Variants in MOV10L1 observed in about 807,000 individuals in gnomAD.
MOV10L1 encodes Mov10 like RNA helicase 1, also known as RNA helicase Mov10l1.
Under a neutral mutation model 143.8 loss-of-function variants are expected in MOV10L1, and 110 were observed. The ratio of observed to expected loss-of-function variants is 0.76; its 90% CI spans 0.66 to 0.90. The LOEUF is 0.90. Among genes scored for constraint, MOV10L1 ranks in the 40% least tolerant of loss-of-function variants. MOV10L1 has a pLI of 0.00. For missense variants in MOV10L1, 1,406 were observed against 1,526.8 expected (o/e 0.92, Z 1.32); for synonymous variants, 593 against 581.1 (o/e 1.02, Z -0.29).
At chr22:50,134,139 A>G in intron 14 of MOV10L1, 74 bp downstream of exon 14, 1 of 1,200,270 alleles carries the variant, frequency 8.3e-7, no homozygotes, top group Non-Finnish European at 1.2e-6. Flanking sequence ...AATTTTGTGT[A>G]AAATAGTCTC....
intron 17 of MOV10L1, 35 bp downstream of exon 17, chr22:50,143,256 G>C (rs2063041368): frequency 6.2e-7 from 1 of 1,603,338 alleles, no homozygotes; most frequent in African/African-American, 1.3e-5. Context: ...CTGTGGCTCT[G>C]TGCTGCTGTT....
At chr22:50,121,263 T>C (rs537338756) in intron 10 of MOV10L1, among the ~76,000 whole-genome samples, 3 of 152,192 alleles carry the variant, frequency 2.0e-5, no homozygotes, top group African/African-American at 7.2e-5. Context: ...GGGACCTAGG[T>C]GTTCACCATG....
chr22:50,103,781 C>T (rs2061803951), intron 3 of MOV10L1, among the ~76,000 whole-genome samples: 1 of 152,144 alleles, frequency 6.6e-6, no homozygotes, highest in South Asian at 2.1e-4. Flanking sequence ...TCAAGTTATA[C>T]CAGTTTGTGC....
chr22:50,117,109 C>T (rs370722862), intron 8 of MOV10L1, 48 bp from the exon 9 acceptor site: 14 of 1,544,704 alleles, frequency 9.1e-6, no homozygotes, highest in Non-Finnish European at 1.2e-5. Flanking sequence ...GTGTTGACTG[C>T]CTATCTTATT....
In MOV10L1 at chr22:50,090,164, C is replaced by G. The variant is rs552916481; in HGVS notation, c.76C>G (p.Leu26Val). 2.1e-6 allele frequency: 3 copies of G among 1,421,922 alleles called. No individual in the cohort carries two copies. In the African/African-American group the frequency reaches 4.5e-5, roughly 21 times the overall value. 88.1% of individuals were successfully genotyped at this position (1,421,922 alleles called of 1,614,324 possible). A position where few individuals can be genotyped will look rare whatever the true frequency, so the allele number is the denominator to read the frequency against. The change falls in exon 1 of 27, where the codon CTG becomes GTG. Residue 26 changes from leucine (L) to valine (V), a missense_variant. Physicochemically the swap from Leu to Val is conservative, Grantham distance 32. This residue lies in a region of MOV10L1 where 166 missense variants were observed against 153.9 expected (regional missense o/e 1.08). Transcript: ENST00000262794. ...CACCCCTAGGGAGGAAGCCGGGCAG[C>G]TGGAGCCCGAGCTCGCGGAAGGTGG... ...ADTPREEAGQ[L>V]EPELAEGDTK...
At chr22:50,157,393 C>G (rs1052301984) in intron 22 of MOV10L1, among the ~76,000 whole-genome samples, 3 of 152,142 alleles carry the variant, frequency 2.0e-5, no homozygotes, top group African/African-American at 7.2e-5. Flanking sequence ...GTGTCGTATC[C>G]AAGAAGTCAT....
At chr22:50,149,828 C>A in intron 20 of MOV10L1, 114 bp downstream of exon 20, 1 of 898,598 alleles carries the variant, frequency 1.1e-6, no homozygotes, top group Non-Finnish European at 1.7e-6. Context: ...GGTGGAAGTG[C>A]CAAGGACCCC....
chr22:50,127,400 A>G (rs1302150904), intron 12 of MOV10L1, among the ~76,000 whole-genome samples: 1 of 152,190 alleles, frequency 6.6e-6, no homozygotes, highest in Non-Finnish European at 1.5e-5. Flanking sequence ...TGCCACCTGC[A>G]CCTGTTCTCA....
chr22:50,153,217 G>A lies in MOV10L1; in HGVS notation c.3065G>A (p.Arg1022Gln), dbSNP rs781058862. ...TTCCCTCTCATCTTCCATGGTGTGC[G>A]GGTGAGTTGTGTCTTGAATCCGTAG... The part of the protein sequence containing the change: ...KGFPLIFHGV[R>Q]GSEAREGKSP... Residue 1022 changes from arginine to glutamine, a missense_variant and splice_region_variant, in exon 22 of 27, where the codon CGG becomes CAG. Physicochemically the swap from Arg to Gln is conservative, Grantham distance 43 (BLOSUM62 1). This residue lies in a region of MOV10L1 where 1,233 missense variants were observed against 1,351.4 expected (regional missense o/e 0.91). Transcript: ENST00000262794. 21 of 1,612,820 alleles carry A rather than the reference G, an allele frequency of 1.3e-5. No homozygotes were observed. The highest frequency in any genetic ancestry group is 1.7e-4 in the Middle Eastern group (1 of 6,054).
At chr22:50,141,701 G>A (rs1046119471) in intron 15 of MOV10L1, among the ~76,000 whole-genome samples, 4 of 152,056 alleles carry the variant, frequency 2.6e-5, no homozygotes, top group East Asian at 1.9e-4. Flanking sequence ...CTCCAGGCCC[G>A]TGAGACCCAG....
intron 16 of MOV10L1, 110 bp from the exon 17 acceptor site, chr22:50,142,933 C>A (rs2063032805): frequency 2.1e-6 from 2 of 962,802 alleles, no homozygotes; most frequent in Admixed American, 4.5e-5. Context: ...GTCTGTGACT[C>A]TGATTTAGCC....
chr22:50,145,659 T>G, intron 18 of MOV10L1, 30 bp from the exon 19 acceptor site: 2 of 1,610,396 alleles, frequency 1.2e-6, no homozygotes, highest in Non-Finnish European at 1.7e-6. Context: ...ATTGGAGGAG[T>G]AAACTAACTC....
chr22:50,117,014 C>G, intron 8 of MOV10L1, 143 bp from the exon 9 acceptor site: 1 of 771,926 alleles, frequency 1.3e-6, no homozygotes, highest in Non-Finnish European at 2.0e-6. Flanking sequence ...TTTAGAAGAT[C>G]TCTTTTTTCT....
At chr22:50,129,554 T>C (rs1483637778) in intron 13 of MOV10L1, among the ~76,000 whole-genome samples, 1 of 152,218 alleles carries the variant, frequency 6.6e-6, no homozygotes, top group Non-Finnish European at 1.5e-5. Context: ...CTGTTACGAT[T>C]GTTTGCTGCT....
Position 50,158,043 on chromosome 22 carries a change from C to A in MOV10L1, c.3067-14C>A, listed in dbSNP as rs1327870247. ...TCATGAAGTAAAGTAGGTTTTCTCT[C>A]CTCATCAACCCAGGGCAGCGAGGCA... On this transcript the variant is annotated splice_polypyrimidine_tract_variant and intron_variant, in intron 22 of 26. Coordinates refer to ENST00000262794, the MANE Select transcript of MOV10L1 (RefSeq NM_018995.3). The surrounding 1 kb of genome is among the most constrained non-coding windows in gnomAD (Gnocchi z 5.0). The A allele has an allele frequency of 6.2e-7, 1 of 1,606,808 alleles. No homozygotes were observed. Among genetic ancestry groups the A allele is most frequent in the Admixed American group, 1.7e-5 (1 of 58,814 alleles).
chr22:50,120,626 G>A lies in MOV10L1; in HGVS notation c.1569+10G>A, dbSNP rs189564312. On this transcript the variant is annotated intron_variant, in intron 10 of 26. Coordinates refer to ENST00000262794, the MANE Select transcript of MOV10L1 (RefSeq NM_018995.3). ...GCCATTACTTGCAGAGGTAGGAAGT[G>A]TCTCATGGCCTGTGGGGTGTTGGCA... 7.8e-5 allele frequency: 123 copies of A among 1,571,744 alleles called. 3 individuals carry two copies. In the East Asian group the frequency reaches 1.4e-3, roughly 18 times the overall value.
chr22:50,150,431 A>G (rs539671225), intron 20 of MOV10L1, among the ~76,000 whole-genome samples: 4 of 152,256 alleles, frequency 2.6e-5, no homozygotes, highest in Non-Finnish European at 5.9e-5. Context: ...AGAAGCTTCC[A>G]GAAGATAGAC....
In MOV10L1 at chr22:50,127,496, C is replaced by T. The variant is rs148013695; in HGVS notation, c.1819-920C>T. The stretch of plus-strand genomic sequence containing the variant: ...GGGGAAACAATCCCATGGCCCTGTA[C>T]CACTGTTGCTTCCCTTCCTCCCGGA... On this transcript the variant is annotated intron_variant, in intron 12 of 26. Coordinates refer to ENST00000262794, the MANE Select transcript of MOV10L1 (RefSeq NM_018995.3). Among the ~76,000 whole-genome samples, 476 of 152,314 alleles carry T rather than the reference C, an allele frequency of 3.1e-3. 1 individual carries two copies. Among genetic ancestry groups the T allele is most frequent in the Non-Finnish European group, 5.3e-3 (363 of 68,028 alleles).
intron 9 of MOV10L1, among the ~76,000 whole-genome samples, chr22:50,119,078 A>G (rs1387637940): frequency 6.6e-6 from 1 of 152,144 alleles, no homozygotes; most frequent in African/African-American, 2.4e-5. Context: ...GTTCTCATCT[A>G]GTGACACACC....
Sources: allele counts gnomAD v4.1 joint callset (sites outside exome capture counted in the v4.1 genomes callset), GRCh38; gene constraint gnomAD v4.1.1; regional missense constraint gnomAD v4.1.1; non-coding constraint Gnocchi (gnomAD v3.1); transcripts MANE v1.5; gene names NCBI Gene and HGNC (gene_info 2026-07-23, HGNC 2026-07-21).